Variants in P4HB observed in about 807,000 individuals in gnomAD.
P4HB encodes protein disulfide-isomerase.
A neutral mutation model predicts 52.6 loss-of-function variants in P4HB; 20 were observed. The ratio of observed to expected loss-of-function variants is 0.38; its 90% CI spans 0.27 to 0.55. The LOEUF is 0.55. P4HB is among the 20% of genes least tolerant of loss of function. P4HB has a pLI of 0.74. For missense variants in P4HB, 601 were observed against 669.2 expected, an observed-to-expected ratio of 0.90 and a Z score of 1.12; for synonymous variants, 296 against 277.9, an observed-to-expected ratio of 1.07 and a Z score of -0.65.
intron 4 of P4HB, among the ~76,000 whole-genome samples, chr17:81,853,857 C>T (rs2038872275): frequency 1.3e-5 from 2 of 152,232 alleles, no homozygotes; most frequent in Non-Finnish European, 2.9e-5. Flanking sequence ...CACCCACATC[C>T]AGGTTCAGCT....
At position 81,843,932 on chromosome 17, in the gene P4HB, G is replaced by A. The variant is rs1344196961; in HGVS notation, c.*80C>T. The A allele has an allele frequency of 1.9e-5, 20 of 1,042,876 alleles. No individual in the cohort carries two copies. The highest frequency in any genetic ancestry group is 7.1e-5 in the East Asian group (3 of 42,234). 64.6% of individuals were successfully genotyped at this position (1,042,876 alleles called of 1,614,324 possible). On this transcript the variant is annotated 3_prime_UTR_variant, in exon 11 of 11. Coordinates refer to ENST00000331483, the MANE Select transcript of P4HB (RefSeq NM_000918.4). ...GCGACGCCCTCCTTCAAGCGAGGCC[G>A]CAGGCTTCGGAGGCGTGCGCTGCTG...
intron 2 of P4HB, 71 bp downstream of exon 2, chr17:81,859,110 G>T: frequency 7.0e-7 from 1 of 1,420,594 alleles, no homozygotes; most frequent in Non-Finnish European, 9.9e-7. Context: ...TCAGACAGCT[G>T]CCCCTGCCCT....
At chr17:81,858,221 G>C (rs1280920989) in intron 2 of P4HB, among the ~76,000 whole-genome samples, 1 of 118,544 alleles carries the variant, frequency 8.4e-6, no homozygotes, top group African/African-American at 3.5e-5. Context: ...GCAGTGAGCA[G>C]AGATCGCACC....
intron 4 of P4HB, among the ~76,000 whole-genome samples, chr17:81,851,302 C>T (rs2038827377): frequency 6.6e-6 from 1 of 152,346 alleles, no homozygotes; most frequent in African/African-American, 2.4e-5. Context: ...TCCATGTATG[C>T]GTCTGCAGAG....
rs932198246 is a variant in P4HB at position 81,846,846 on chromosome 17, G to A, written c.855+101C>T. 3 of 1,469,650 alleles carry A rather than the reference G, an allele frequency of 2.0e-6. No individual in the cohort carries two copies. The highest frequency in any genetic ancestry group is 2.8e-6 in the Non-Finnish European group (3 of 1,064,516). The allele number at this position is 1,469,650 out of a possible 1,614,324, so 91.0% of individuals were successfully genotyped here. On this transcript the variant is annotated intron_variant, in intron 6 of 10. Coordinates refer to ENST00000331483, the MANE Select transcript of P4HB (RefSeq NM_000918.4). This position sits in a 1 kb window ranked among gnomAD's most constrained non-coding sequence, Gnocchi z 5.7. The stretch of plus-strand genomic sequence containing the variant: ...TGTCCTGAATCAGGTGCCCGATCCA[G>A]TCCAGCAGGCAGCCTCAGGAAGGCC...
At position 81,845,654 on chromosome 17, in the gene P4HB, G is replaced by A. The variant is rs184374096; in HGVS notation, c.1266C>T (p.Ile422=). The change falls in exon 9 of 11, where the codon ATC becomes ATT. Residue 422 remains isoleucine, a synonymous_variant. Transcript: ENST00000331483. ...ETYKDHENIV[I]AKMDSTANEV... ...CGTTGGCAGTCGAGTCCATCTTGGCGATGACGATGTTCTCATGGTCCTTGT... is the reference window on the plus strand; with the variant it reads ...CGTTGGCAGTCGAGTCCATCTTGGCAATGACGATGTTCTCATGGTCCTTGT... 48 of 1,613,804 alleles carry A rather than the reference G, an allele frequency of 3.0e-5. No individual in the cohort carries two copies. The highest frequency in any genetic ancestry group is 3.4e-5 in the Non-Finnish European group (40 of 1,179,726).
intron 1 of P4HB, 57 bp from the exon 2 acceptor site, chr17:81,859,444 C>A: frequency 6.9e-7 from 1 of 1,451,526 alleles, no homozygotes; most frequent in Non-Finnish European, 9.6e-7. Context: ...CAGCCTTGAT[C>A]CCTCAGCAGT....
At chr17:81,859,813 T>G (rs1357308425) in intron 1 of P4HB, 2 of 237,846 alleles carry the variant, frequency 8.4e-6, no homozygotes, top group South Asian at 5.7e-5. Flanking sequence ...ACACAGACCC[T>G]GAGTTGCTTA....
chr17:81,849,493 T>G (rs2038794438), intron 4 of P4HB, among the ~76,000 whole-genome samples: 1 of 152,030 alleles, frequency 6.6e-6, no homozygotes, highest in Non-Finnish European at 1.5e-5. Context: ...AGACTTCATC[T>G]CAAAAAATAA....
rs775184330 is a variant in P4HB at position 81,855,285 on chromosome 17, TGAG to T, written c.487-9_487-7del. On this transcript the variant is annotated splice_region_variant and splice_polypyrimidine_tract_variant and intron_variant, in intron 3 of 10. Transcript: ENST00000331483. This position sits in a 1 kb window ranked among gnomAD's most constrained non-coding sequence, Gnocchi z 4.3. Reference sequence around the variant, plus strand: ...GCAGAGTCCGACTCCACGTCCTGAATGAGGAGGGAGAAGCAGAGGTCGTCATGA... The same window carrying T: ...GCAGAGTCCGACTCCACGTCCTGAATGAGGGAGAAGCAGAGGTCGTCATGA... 12 of 1,613,574 alleles carry T rather than the reference TGAG, an allele frequency of 7.4e-6. No homozygotes were observed. The highest frequency in any genetic ancestry group is 2.2e-5 in the East Asian group (1 of 44,888).
intron 4 of P4HB, among the ~76,000 whole-genome samples, chr17:81,852,991 A>G (rs1432710527): frequency 2.6e-5 from 4 of 152,122 alleles, no homozygotes; most frequent in African/African-American, 4.8e-5. Flanking sequence ...TTTATCCAAC[A>G]CTTCACTGGC....
intron 1 of P4HB, 105 bp downstream of exon 1, chr17:81,860,222 G>T: frequency 1.0e-6 from 1 of 964,304 alleles, no homozygotes; most frequent in Non-Finnish European, 1.4e-6. Flanking sequence ...TCAGTTCCGG[G>T]CGCGCCGGGG....
intron 4 of P4HB, chr17:81,847,905 C>CTTTTT (rs1193629056): frequency 8.1e-6 from 1 of 123,110 alleles, no homozygotes; most frequent in Non-Finnish European, 1.7e-5. Flanking sequence ...AGGTCTTGAT[C>CTTTTT]TTTTTTTTTT....
chr17:81,847,000 A>G lies in P4HB; in HGVS notation c.802T>C (p.Tyr268His), dbSNP rs149995643. The G allele has an allele frequency of 6.2e-7, 1 of 1,614,126 alleles. No individual in the cohort carries two copies. The highest frequency in any genetic ancestry group is 1.1e-5 in the South Asian group (1 of 91,090). The stretch of plus-strand genomic sequence containing the variant: ...TTGAAGTTGCTCAGTTTGCCGTCAT[A>G]GTCAGACACACTCTTGGGCAAGAAC... ...LLFLPKSVSD[Y>H]DGKLSNFKTA... Residue 268 changes from tyrosine to histidine, a missense_variant, in exon 6 of 11, where the codon TAT becomes CAT. Physicochemically the swap from Tyr to His is moderately conservative, Grantham distance 83. Coordinates refer to ENST00000331483, the MANE Select transcript of P4HB (RefSeq NM_000918.4). This position sits in a 1 kb window ranked among gnomAD's most constrained non-coding sequence, Gnocchi z 5.7.
chr17:81,859,418 G>C, intron 1 of P4HB, 31 bp from the exon 2 acceptor site: 1 of 1,589,702 alleles, frequency 6.3e-7, no homozygotes. Flanking sequence ...CTAGAAAGCA[G>C]CCTTGATCCC....
chr17:81,848,518 T>G (rs1485926491), intron 4 of P4HB, among the ~76,000 whole-genome samples: 1 of 152,072 alleles, frequency 6.6e-6, no homozygotes, highest in South Asian at 2.1e-4. Flanking sequence ...GGTGGATCGC[T>G]TGAGACCAGG....
At chr17:81,853,376 C>G (rs992030493) in intron 4 of P4HB, among the ~76,000 whole-genome samples, 1 of 151,966 alleles carries the variant, frequency 6.6e-6, no homozygotes, top group Non-Finnish European at 1.5e-5. Flanking sequence ...TTCGAGACCA[C>G]CCTGGCTAAC....
In P4HB at chr17:81,845,556, C is replaced by T; in HGVS notation, c.1359+5G>A. On this transcript the variant is annotated splice_donor_5th_base_variant and intron_variant, in intron 9 of 10. Transcript: ENST00000331483. ...GCCCCAGCCCCGTCTGGAGGGAAGG[C>T]GCACCGTCCTGTCGGCACTGGCAGG... The T allele has an allele frequency of 1.3e-6, 2 of 1,585,372 alleles. No individual in the cohort carries two copies. The highest frequency in any genetic ancestry group is 1.7e-6 in the Non-Finnish European group (2 of 1,161,556).
At chr17:81,848,653 T>C (rs1017492327) in intron 4 of P4HB, among the ~76,000 whole-genome samples, 1 of 148,460 alleles carries the variant, frequency 6.7e-6, no homozygotes, top group Non-Finnish European at 1.5e-5. Flanking sequence ...GGAGAATCGC[T>C]TGGACCCGGG....
Sources: allele counts gnomAD v4.1 joint callset (sites outside exome capture counted in the v4.1 genomes callset), GRCh38; gene constraint gnomAD v4.1.1; non-coding constraint Gnocchi (gnomAD v3.1); transcripts MANE v1.5; gene names NCBI Gene and HGNC (gene_info 2026-07-23, HGNC 2026-07-21).